The following ATAT1 variants were observed in gnomAD, a reference collection of about 807,000 sequenced individuals.
ATAT1 encodes alpha-tubulin N-acetyltransferase 1.
In ATAT1, 42 loss-of-function variants were observed where a neutral mutation model predicts 57.2. The ratio of observed to expected loss-of-function variants is 0.73; its 90% CI spans 0.57 to 0.95. The LOEUF is 0.95. ATAT1 is among the 40% of genes least tolerant of loss of function. The pLI, the probability that ATAT1 is intolerant of heterozygous loss-of-function variation, is 0.00. For missense variants in ATAT1, 454 were observed against 523.7 expected (o/e 0.87, Z 1.30); for synonymous variants, 168 against 187.1 (o/e 0.90, Z 0.83).
chr6:30,627,439 T>C, intron 1 of ATAT1, 21 bp from the exon 2 acceptor site: 1 of 1,611,086 alleles, frequency 6.2e-7, no homozygotes, highest in Non-Finnish European at 8.5e-7. Context: ...ATCTGACTCT[T>C]TATTTCTTCT....
intron 10 of ATAT1, chr6:30,643,431 TCTCC>T (rs1765963583): frequency 2.0e-6 from 3 of 1,525,942 alleles, no homozygotes; most frequent in African/African-American, 2.8e-5. Context: ...CCTTTATTTC[TCTCC>T]CTTTCTCTTC....
rs763859024 is a variant in ATAT1 at position 30,628,157 on chromosome 6, C to G, written c.399+12C>G. On this transcript the variant is annotated intron_variant, in intron 5 of 12. Transcript: ENST00000330083. ...AGTATATGTTGCAGGTATCACTGACCTCTTCACTGGTTCATCCAAACTAGG... is the reference window on the plus strand; with the variant it reads ...AGTATATGTTGCAGGTATCACTGACGTCTTCACTGGTTCATCCAAACTAGG... 5 of 1,607,210 alleles carry G rather than the reference C, an allele frequency of 3.1e-6. No homozygotes were observed. In the South Asian group the frequency reaches 3.3e-5, roughly 11 times the overall value.
At position 30,646,581 on chromosome 6, in the gene ATAT1, G is replaced by A. The variant is rs761004245; in HGVS notation, c.1168G>A (p.Asp390Asn). 179 of 1,579,482 alleles carry A rather than the reference G, an allele frequency of 1.1e-4. No homozygotes were observed. Among genetic ancestry groups the A allele is most frequent in the Middle Eastern group, 6.6e-4 (4 of 6,048 alleles). ...AGCCCAGTCCTGGACAGTGGGTGGG[G>A]ACATACTCAACGCCAGGTTCATTCG... Residue 390 changes from aspartate to asparagine, a missense_variant, in exon 13 of 13, where the codon GAC (aspartate) becomes AAC (asparagine). Around this residue, in one of 3 missense-constraint regions of ATAT1, gnomAD observed 216 missense variants for 222.2 expected, o/e 0.97. Transcript: ENST00000330083.
Position 30,643,021 on chromosome 6 carries a change from G to A in ATAT1, c.932+10G>A, listed in dbSNP as rs1040299401. 2 of 1,605,216 alleles carry A rather than the reference G, an allele frequency of 1.2e-6. No homozygotes were observed. The highest frequency in any genetic ancestry group is 3.4e-5 in the Admixed American group (2 of 58,538). On this transcript the variant is annotated intron_variant, in intron 10 of 12. Transcript: ENST00000330083. The stretch of plus-strand genomic sequence containing the variant: ...AACGTCGTCGCACCAGGTAATAGGA[G>A]TTGAAGGGCTAAGGAGCCTCACAGC...
chr6:30,644,543 C>T (rs199996309), intron 10 of ATAT1: 1 of 985,588 alleles, frequency 1.0e-6, no homozygotes, highest in African/African-American at 1.7e-5. Context: ...TTCCTGAAAT[C>T]CTTGGGAGCC....
intron 6 of ATAT1, among the ~76,000 whole-genome samples, chr6:30,631,973 G>A (rs1411331437): frequency 1.3e-5 from 2 of 152,000 alleles, no homozygotes; most frequent in Admixed American, 6.6e-5. Flanking sequence ...CGGAGGAGGG[G>A]CCTTATAGGC....
intron 6 of ATAT1, among the ~76,000 whole-genome samples, chr6:30,634,590 C>A (rs1418307095): frequency 6.8e-6 from 1 of 148,114 alleles, no homozygotes; most frequent in Non-Finnish European, 1.5e-5. Flanking sequence ...ACCAAGCCAG[C>A]CTTTGGAGGG....
intron 10 of ATAT1, chr6:30,643,590 C>A (rs1019732721): frequency 4.5e-6 from 7 of 1,550,592 alleles, no homozygotes; most frequent in Non-Finnish European, 6.1e-6. Flanking sequence ...CCCTGGGAGA[C>A]CTGGGGTGGG....
intron 8 of ATAT1, chr6:30,641,955 G>A (rs1765541089): frequency 7.2e-7 from 1 of 1,394,840 alleles, no homozygotes; most frequent in African/African-American, 1.5e-5. Context: ...CCCTAGCTCT[G>A]TGTTTGGCCT....
intron 6 of ATAT1, among the ~76,000 whole-genome samples, chr6:30,638,951 C>T (rs1200425707): frequency 6.6e-6 from 1 of 152,090 alleles, no homozygotes; most frequent in Non-Finnish European, 1.5e-5. Context: ...CTGACTTTCC[C>T]CACCCCTTGG....
At position 30,627,595 on chromosome 6, in the gene ATAT1, C is replaced by T. The variant is rs774785952; in HGVS notation, c.133-41C>T. On this transcript the variant is annotated intron_variant, in intron 2 of 12. Coordinates refer to ENST00000330083, the MANE Select transcript of ATAT1 (RefSeq NM_001031722.4). Reference sequence around the variant, plus strand: ...GTATATAAGGGAGGCCTGGGTCCTTCGGAGAGACTTGCAGAAAGTCTGACT... The same window carrying T: ...GTATATAAGGGAGGCCTGGGTCCTTTGGAGAGACTTGCAGAAAGTCTGACT... 3.7e-6 allele frequency: 6 copies of T among 1,609,346 alleles called. No individual in the cohort carries two copies. In the African/African-American group the frequency reaches 4.0e-5, roughly 11 times the overall value.
Position 30,627,705 on chromosome 6 carries a change from C to G in ATAT1, c.202C>G (p.Leu68Val). The G allele has an allele frequency of 6.2e-7, 1 of 1,612,986 alleles. No homozygotes were observed. The highest frequency in any genetic ancestry group is 8.5e-7 in the Non-Finnish European group (1 of 1,179,952). The change falls in exon 3 of 13, where the codon CTC becomes GTC. Residue 68 changes from leucine (L) to valine (V), a missense_variant. This residue lies in a region of ATAT1 where 236 missense variants were observed against 284.5 expected (regional missense o/e 0.83). Coordinates refer to ENST00000330083, the MANE Select transcript of ATAT1 (RefSeq NM_001031722.4). ...GAGTAACCGCCATGTTGTTTATATTCTCAAAGACAGTTCAGCCCGACCGTG... is the reference window on the plus strand; with the variant it reads ...GAGTAACCGCCATGTTGTTTATATTGTCAAAGACAGTTCAGCCCGACCGTG...
chr6:30,634,862 C>G (rs1034557598), intron 6 of ATAT1, among the ~76,000 whole-genome samples: 4 of 151,828 alleles, frequency 2.6e-5, no homozygotes, highest in African/African-American at 9.7e-5. Context: ...GTGGCGGGAG[C>G]CTGTAGTCCC....
At chr6:30,642,284 T>C (rs1456067302) in intron 9 of ATAT1, 37 bp downstream of exon 9, 3 of 1,612,656 alleles carry the variant, frequency 1.9e-6, no homozygotes, top group South Asian at 2.2e-5. Flanking sequence ...GGGCCTGGGG[T>C]ACCTTAACAC....
chr6:30,627,531 G>C lies in ATAT1; in HGVS notation c.132+11G>C. The C allele has an allele frequency of 6.2e-7, 1 of 1,612,108 alleles. No homozygotes were observed. Among genetic ancestry groups the C allele is most frequent in the Non-Finnish European group, 8.5e-7 (1 of 1,178,998 alleles). On this transcript the variant is annotated intron_variant, in intron 2 of 12. Transcript: ENST00000330083. ...AAGGCTTCTGCCAAGGTACTGGAGA[G>C]TTTTTAGATGGAGTAAAGGGAGGAC...
At chr6:30,631,859 A>G (rs1762952355) in intron 6 of ATAT1, among the ~76,000 whole-genome samples, 1 of 152,160 alleles carries the variant, frequency 6.6e-6, no homozygotes, top group Non-Finnish European at 1.5e-5. Flanking sequence ...CCACCAGTGT[A>G]TGGCCGTGAG....
chr6:30,638,295 T>A (rs928984380), intron 6 of ATAT1, among the ~76,000 whole-genome samples: 1 of 151,962 alleles, frequency 6.6e-6, no homozygotes, highest in Non-Finnish European at 1.5e-5. Flanking sequence ...CCAGCCCCCA[T>A]TAAACTTTTT....
intron 2 of ATAT1, 23 bp from the exon 3 acceptor site, chr6:30,627,613 G>T (rs1761957735): frequency 1.2e-6 from 2 of 1,611,736 alleles, no homozygotes; most frequent in Middle Eastern, 1.6e-4. Flanking sequence ...CTTGCAGAAA[G>T]TCTGACTTAA....
At chr6:30,629,633 C>T (rs1192155796) in intron 6 of ATAT1, among the ~76,000 whole-genome samples, 1 of 152,112 alleles carries the variant, frequency 6.6e-6, no homozygotes, top group Non-Finnish European at 1.5e-5. Context: ...CAAGCTCCGC[C>T]TCCCAGGTTC....
Sources: gnomAD v4.1 joint callset for allele counts (sites outside exome capture counted in the v4.1 genomes callset) on GRCh38, gnomAD v4.1.1 for gene constraint, gnomAD v4.1.1 regional missense constraint, MANE v1.5 for transcripts, NCBI Gene and HGNC (gene_info 2026-07-23, HGNC 2026-07-21) for gene names.